STXBP5L: variants seen among roughly 807,000 people sequenced by gnomAD.
STXBP5L encodes the protein syntaxin binding protein 5L.
STXBP5L carries 65 observed loss-of-function variants against 144.5 expected under a neutral mutation model. The ratio of observed to expected loss-of-function variants is 0.45; its 90% CI spans 0.37 to 0.55. The LOEUF is 0.55. Among genes scored for constraint, STXBP5L ranks in the 20% least tolerant of loss-of-function variants. The pLI is 0.00. For synonymous variants in STXBP5L, 505 were observed against 469.6 expected (o/e 1.08, Z -0.97); for missense variants, 1,298 against 1,405.5 (o/e 0.92, Z 1.22).
chr3:121,411,245 C>G (rs75465217), intron 23 of STXBP5L, among the ~76,000 whole-genome samples: 5,313 of 152,134 alleles, frequency 0.035, 124 homozygotes, highest in Admixed American at 0.05. Flanking sequence ...TATTGGACAG[C>G]ACAGTGCTTA....
chr3:120,962,740 G>T (rs533133008), intron 3 of STXBP5L, among the ~76,000 whole-genome samples: 1 of 152,298 alleles, frequency 6.6e-6, no homozygotes, highest in African/African-American at 2.4e-5. Flanking sequence ...ATTTTGCTTA[G>T]AATTGTCTTG....
chr3:121,019,665 A>G (rs1945404080), intron 3 of STXBP5L, among the ~76,000 whole-genome samples: 1 of 152,152 alleles, frequency 6.6e-6, no homozygotes, highest in Non-Finnish European at 1.5e-5. Flanking sequence ...TTAGATCTGG[A>G]AGAGAAATAA....
chr3:121,417,448 T>TG (rs1035338536), intron 25 of STXBP5L, among the ~76,000 whole-genome samples: 3 of 152,116 alleles, frequency 2.0e-5, no homozygotes, highest in Admixed American at 6.6e-5. Context: ...CCAAAATAGC[T>TG]GTTTTTTTTT....
At chr3:121,411,161 C>T (rs1029088161) in intron 23 of STXBP5L, among the ~76,000 whole-genome samples, 4 of 151,996 alleles carry the variant, frequency 2.6e-5, no homozygotes, top group Non-Finnish European at 4.4e-5. Flanking sequence ...GTGTAATTTA[C>T]GTTTACAGCA....
chr3:121,364,714 G>A (rs1391374624), intron 20 of STXBP5L, among the ~76,000 whole-genome samples: 2 of 151,578 alleles, frequency 1.3e-5, no homozygotes, highest in South Asian at 2.1e-4. Flanking sequence ...TCATGCTATT[G>A]TAAATGAAAT....
At chr3:120,980,690 G>A (rs1941676381) in intron 3 of STXBP5L, among the ~76,000 whole-genome samples, 1 of 151,996 alleles carries the variant, frequency 6.6e-6, no homozygotes, top group African/African-American at 2.4e-5. Flanking sequence ...TAGGCATTTA[G>A]TTCATTTACA....
At chr3:121,110,662 TTG>T (rs2043939527) in intron 5 of STXBP5L, among the ~76,000 whole-genome samples, 1 of 152,222 alleles carries the variant, frequency 6.6e-6, no homozygotes, top group African/African-American at 2.4e-5. Flanking sequence ...CCTTAATATT[TTG>T]TCTTTCATTT....
intron 18 of STXBP5L, among the ~76,000 whole-genome samples, chr3:121,273,631 A>G (rs1473899424): frequency 6.6e-6 from 1 of 151,920 alleles, no homozygotes; most frequent in African/African-American, 2.4e-5. Context: ...ATCTCCCATA[A>G]TGTGACTATT....
chr3:121,365,755 C>A (rs2045847559), intron 20 of STXBP5L, among the ~76,000 whole-genome samples: 1 of 151,132 alleles, frequency 6.6e-6, no homozygotes, highest in South Asian at 2.1e-4. Flanking sequence ...TGTGGTTTTT[C>A]TATTCTCTAA....
At chr3:121,310,049 A>T (rs2043472425) in intron 19 of STXBP5L, among the ~76,000 whole-genome samples, 1 of 152,220 alleles carries the variant, frequency 6.6e-6, no homozygotes, top group African/African-American at 2.4e-5. Flanking sequence ...TGTTTTTGAC[A>T]AAGGCACCAA....
Position 121,422,009 on chromosome 3 carries a change from T to C in STXBP5L, c.*2912T>C, listed in dbSNP as rs2047361904. On this transcript the variant is annotated 3_prime_UTR_variant, in exon 27 of 27. Transcript: ENST00000471454. ...TACTGTATCAAAATTATTTTTATAATTCAAAGAGATGATAGCAATAAGAAG... is the reference window on the plus strand; with the variant it reads ...TACTGTATCAAAATTATTTTTATAACTCAAAGAGATGATAGCAATAAGAAG... 6.6e-6 allele frequency: 1 copy of C among 152,138 alleles called. No individual in the cohort carries two copies. The highest frequency in any genetic ancestry group is 2.4e-5 in the African/African-American group (1 of 41,434). 9.4% of individuals were successfully genotyped at this position (152,138 alleles called of 1,614,324 possible).
chr3:121,270,448 G>A (rs1056042704), intron 18 of STXBP5L, among the ~76,000 whole-genome samples: 3 of 151,780 alleles, frequency 2.0e-5, no homozygotes, highest in Non-Finnish European at 4.4e-5. Context: ...TTAATCGGGG[G>A]CAGTTCTTCA....
chr3:121,070,796 C>T (rs1478733342), intron 5 of STXBP5L, among the ~76,000 whole-genome samples: 2 of 152,108 alleles, frequency 1.3e-5, no homozygotes, highest in African/African-American at 4.8e-5. Context: ...TATATGGAGA[C>T]AGGCCTTTTA....
At chr3:121,161,552 C>CAT (rs376647286) in intron 9 of STXBP5L, among the ~76,000 whole-genome samples, 207 of 150,660 alleles carry the variant, frequency 1.4e-3, no homozygotes, top group Middle Eastern at 3.4e-3. Context: ...CCAAGATTCT[C>CAT]ATATATATAT....
chr3:120,929,074 T>C (rs1392119913), intron 2 of STXBP5L, among the ~76,000 whole-genome samples: 1 of 152,190 alleles, frequency 6.6e-6, no homozygotes. Context: ...AGGCAGGCTG[T>C]GTACAAGGGA....
chr3:121,213,848 T>G (rs1245683240), intron 10 of STXBP5L, among the ~76,000 whole-genome samples: 1 of 152,164 alleles, frequency 6.6e-6, no homozygotes, highest in Non-Finnish European at 1.5e-5. Flanking sequence ...GGTCCTGGGC[T>G]TTTTTGGGTT....
At chr3:121,074,119 A>G (rs2041922039) in intron 5 of STXBP5L, among the ~76,000 whole-genome samples, 1 of 152,142 alleles carries the variant, frequency 6.6e-6, no homozygotes, top group African/African-American at 2.4e-5. Flanking sequence ...GCTTCCTCAA[A>G]AATGATTGGG....
chr3:121,089,720 A>C (rs2042684501), intron 5 of STXBP5L, among the ~76,000 whole-genome samples: 1 of 151,710 alleles, frequency 6.6e-6, no homozygotes, highest in African/African-American at 2.4e-5. Context: ...TGATTGATAG[A>C]TCTATTGGTT....
chr3:120,935,366 G>T (rs1710208322), intron 2 of STXBP5L, among the ~76,000 whole-genome samples: 2 of 150,140 alleles, frequency 1.3e-5, no homozygotes, highest in Admixed American at 6.6e-5. Context: ...CAAGTACATT[G>T]TTGCTATTAC....
Sources: allele counts gnomAD v4.1 joint callset (sites outside exome capture counted in the v4.1 genomes callset), GRCh38; gene constraint gnomAD v4.1.1; transcripts MANE v1.5; gene names NCBI Gene and HGNC (gene_info 2026-07-23, HGNC 2026-07-21).